Variants in MAGEA4 observed in about 807,000 individuals in gnomAD.
MAGEA4 encodes MAGE family member A4, also known as melanoma-associated antigen 4.
A neutral mutation model predicts 13.7 loss-of-function variants in MAGEA4; 1 was observed. The observed-to-expected ratio is 0.07, with a 90% CI of 0.03 to 0.35. MAGEA4 has a LOEUF of 0.35. Ranked by LOEUF, MAGEA4 falls within the 10% of genes least tolerant of loss-of-function variation. MAGEA4 has a pLI of 0.99. For missense variants in MAGEA4, 312 were observed against 245.1 expected (o/e 1.27, Z -1.82); for synonymous variants, 132 against 101.1 (o/e 1.31, Z -1.83).
At chrX:151,912,585 A>G, upstream of MAGEA4, 1 of 339,985 alleles carries the variant, frequency 2.9e-6, no homozygotes, top group Non-Finnish European at 5.7e-6. Context: ...GGACCCTAAG[A>G]GAGAGCTGAG....
Position 151,923,778 on chromosome X carries a change from T to C in MAGEA4, c.114T>C (p.Ala38=), listed in dbSNP as rs369838724. The change falls in exon 3 of 3, where the codon GCT becomes GCC. Residue 38 remains alanine, a synonymous_variant. Coordinates refer to ENST00000276344, the MANE Select transcript of MAGEA4 (RefSeq NM_001011548.1). ...AQAPTTEEQE[A]AVSSSSPLVP... ...CTCCTACTACTGAGGAGCAGGAGGC[T>C]GCTGTCTCCTCCTCCTCTCCTCTGG... The C allele has an allele frequency of 2.5e-6, 3 of 1,206,157 alleles. No homozygotes were observed. Among genetic ancestry groups the C allele is most frequent in the Non-Finnish European group, 2.2e-6 (2 of 893,998 alleles).
Position 151,924,409 on chromosome X carries a change from C to A in MAGEA4, c.745C>A (p.Gln249Lys). The change falls in exon 3 of 3, where the codon CAA (glutamine) becomes AAA (lysine). Residue 249 changes from glutamine (Q) to lysine (K), a missense_variant. By Grantham distance (53) the Gln-to-Lys change is moderately conservative (BLOSUM62 1). Coordinates refer to ENST00000276344, the MANE Select transcript of MAGEA4 (RefSeq NM_001011548.1). ...TGGGGAGCCCAGGAAACTGCTCACCCAAGATTGGGTGCAGGAAAACTACCT... is the reference window on the plus strand; with the variant it reads ...TGGGGAGCCCAGGAAACTGCTCACCAAAGATTGGGTGCAGGAAAACTACCT... ...VYGEPRKLLT[Q>K]DWVQENYLEY... The A allele has an allele frequency of 8.3e-7, 1 of 1,211,092 alleles. No homozygotes were observed. The highest frequency in any genetic ancestry group is 1.1e-6 in the Non-Finnish European group (1 of 895,136).
chrX:151,913,212 A>C (rs1178413099), intron 1 of MAGEA4, among the ~76,000 whole-genome samples: 1 of 109,463 alleles, frequency 9.1e-6, no homozygotes, highest in Non-Finnish European at 1.9e-5. Flanking sequence ...CCTAAAAGCC[A>C]GCTGAGCGTA....
intron 1 of MAGEA4, 126 bp downstream of exon 1, chrX:151,913,095 C>T: frequency 8.6e-6 from 1 of 115,730 alleles, no homozygotes; most frequent in Admixed American, 8.6e-5. Flanking sequence ...GGTGGGGGGG[C>T]CACCACCCCA....
chrX:151,919,044 C>T (rs1400004331), intron 1 of MAGEA4: 51 of 747,653 alleles, frequency 6.8e-5, no homozygotes, highest in East Asian at 3.2e-4. Context: ...CAAGGTGAGA[C>T]GCTGAGGGAG....
upstream of MAGEA4, chrX:151,912,684 C>T: frequency 4.5e-6 from 1 of 224,085 alleles, no homozygotes; most frequent in South Asian, 4.1e-5. Context: ...CCTACCAGCA[C>T]CCCATCCTCC....
In MAGEA4 at chrX:151,924,494, G is replaced by A. The variant is rs771415744; in HGVS notation, c.830G>A (p.Arg277Lys). The change falls in exon 3 of 3, where the codon AGG (arginine) becomes AAG (lysine). Residue 277 changes from arginine (R) to lysine (K), a missense_variant. Coordinates refer to ENST00000276344, the MANE Select transcript of MAGEA4 (RefSeq NM_001011548.1). The stretch of plus-strand genomic sequence containing the variant: ...CGCTATGAGTTCCTGTGGGGTCCAA[G>A]GGCTCTGGCTGAAACCAGCTATGTG... ...PARYEFLWGP[R>K]ALAETSYVKV... is the part of the protein sequence containing the mutation. 5.8e-6 allele frequency: 7 copies of A among 1,210,409 alleles called. No individual in the cohort carries two copies. The East Asian group carries it at 2.1e-4, about 36-fold the overall frequency.
rs1261061506 is a variant in MAGEA4, at chrX:151,918,947, C to G, written c.-137-4506C>G. On this transcript the variant is annotated intron_variant, in intron 1 of 2. Coordinates refer to ENST00000276344, the MANE Select transcript of MAGEA4 (RefSeq NM_001011548.1). The stretch of plus-strand genomic sequence containing the variant: ...GCCCGGATGTGATGCCACTGACTTG[C>G]GCATTCGGGGTTAGAGAGAAGCGAG... The G allele has an allele frequency of 4.0e-6, 3 of 747,298 alleles. No homozygotes were observed. The African/African-American group carries it at 7.2e-5, about 18-fold the overall frequency. 61.6% of individuals were successfully genotyped at this position (747,298 alleles called of 1,213,427 possible).
At chrX:151,919,287 C>T (rs1337597825) in intron 1 of MAGEA4, among the ~76,000 whole-genome samples, 2 of 85,307 alleles carry the variant, frequency 2.3e-5, no homozygotes, top group African/African-American at 8.8e-5. Context: ...GCTAAGCGTA[C>T]CCCACCCCCA....
chrX:151,912,779 C>A (rs1410442624), upstream of MAGEA4: 15 of 141,566 alleles, frequency 1.1e-4, no homozygotes, highest in Admixed American at 1.2e-3. Flanking sequence ...CCCCCACCCC[C>A]CAACACCCAT....
At chrX:151,919,574 C>T (rs1452251698) in intron 1 of MAGEA4, 5 of 684,812 alleles carry the variant, frequency 7.3e-6, no homozygotes, top group Non-Finnish European at 8.6e-6. Context: ...TCGGGTTCTG[C>T]TTCCGCTTTC....
rs961525850 is a variant in MAGEA4 at position 151,924,952 on chromosome X, T to C, written c.*334T>C. On this transcript the variant is annotated 3_prime_UTR_variant, in exon 3 of 3. Transcript: ENST00000276344. ...TTTTTATTCAGATTGGGAAATCCGTTCTATTTTGTGAATTTGGGACATAAT... is the reference window on the plus strand; with the variant it reads ...TTTTTATTCAGATTGGGAAATCCGTCCTATTTTGTGAATTTGGGACATAAT... The C allele has an allele frequency of 2.2e-5, 4 of 184,845 alleles. No individual in the cohort carries two copies. The highest frequency in any genetic ancestry group is 4.3e-5 in the Non-Finnish European group (4 of 93,916). 15.2% of individuals were successfully genotyped at this position (184,845 alleles called of 1,213,427 possible).
intron 1 of MAGEA4, chrX:151,918,987 G>T (rs1162211185): frequency 2.7e-6 from 2 of 753,266 alleles, no homozygotes. Flanking sequence ...TCTGTGACCA[G>T]CCGCTTGGGA....
At position 151,924,068 on chromosome X, in the gene MAGEA4, A is replaced by G. The variant is rs1933584421; in HGVS notation, c.404A>G (p.Glu135Gly). Residue 135 changes from glutamate to glycine, a missense_variant, in exon 3 of 3, where the codon GAA becomes GGA. Glu to Gly is a moderately conservative substitution (Grantham distance 98). Transcript: ENST00000276344. ...YRAKELVTKA[E>G]MLERVIKNYK... ...GCCAAGGAGCTGGTCACAAAGGCAGAAATGCTGGAGAGAGTCATCAAAAAT... is the reference window on the plus strand; with the variant it reads ...GCCAAGGAGCTGGTCACAAAGGCAGGAATGCTGGAGAGAGTCATCAAAAAT... 2.5e-6 allele frequency: 3 copies of G among 1,212,254 alleles called. No individual in the cohort carries two copies. The highest frequency in any genetic ancestry group is 3.5e-5 in the South Asian group (2 of 56,995).
rs766583818 is a variant in MAGEA4, at chrX:151,920,656, C to G, written c.-137-2797C>G. On this transcript the variant is annotated intron_variant, in intron 1 of 2. Coordinates refer to ENST00000276344, the MANE Select transcript of MAGEA4 (RefSeq NM_001011548.1). ...AACCCCCCAACCAGCCTCATACCCC[C>G]CTCCCCCACCCCTACCTTCATCCCC... is the stretch of plus-strand genomic sequence containing the variant. Among the ~76,000 whole-genome samples the G allele has an allele frequency of 4.9e-3, 485 of 98,677 alleles. 3 individuals are homozygous for G. Among genetic ancestry groups the G allele is most frequent in the Admixed American group, 0.013 (118 of 9,109 alleles). 85.7% of individuals were successfully genotyped at this position (98,677 alleles called of 115,157 possible). A position where few individuals can be genotyped will look rare whatever the true frequency, so the allele number is the denominator to read the frequency against.
chrX:151,919,985 C>T (rs1485364254), intron 1 of MAGEA4, among the ~76,000 whole-genome samples: 2 of 86,960 alleles, frequency 2.3e-5, no homozygotes, highest in Admixed American at 1.3e-4. Flanking sequence ...CACCCCCATT[C>T]CCATCCCCCT....
intron 1 of MAGEA4, among the ~76,000 whole-genome samples, chrX:151,919,910 G>T (rs1933333221): frequency 9.0e-6 from 1 of 110,499 alleles, no homozygotes. Flanking sequence ...ATCAGTGCAA[G>T]ACTGGTGAGG....
In MAGEA4 at chrX:151,924,174, G is replaced by A. The variant is rs779785942; in HGVS notation, c.510G>A (p.Val170=). 3 of 1,211,868 alleles carry A rather than the reference G, an allele frequency of 2.5e-6. No homozygotes were observed. Among genetic ancestry groups the A allele is most frequent in the South Asian group, 3.5e-5 (2 of 56,973 alleles). The part of the protein sequence containing the change: ...KMIFGIDVKE[V]DPASNTYTLV... ...TCTTTGGCATTGACGTGAAGGAAGT[G>A]GACCCCGCCAGCAACACCTACACCC... Residue 170 remains valine, a synonymous_variant, in exon 3 of 3, where the codon GTG becomes GTA. Transcript: ENST00000276344.
chrX:151,923,784 C>G lies in MAGEA4; in HGVS notation c.120C>G (p.Val40=), dbSNP rs373247834. The G allele has an allele frequency of 8.4e-7, 1 of 1,195,644 alleles. No homozygotes were observed. The highest frequency in any genetic ancestry group is 1.1e-6 in the Non-Finnish European group (1 of 890,976). ...APTTEEQEAA[V]SSSSPLVPGT... ...CTACTGAGGAGCAGGAGGCTGCTGTCTCCTCCTCCTCTCCTCTGGTCCCTG... is the reference window on the plus strand; with the variant it reads ...CTACTGAGGAGCAGGAGGCTGCTGTGTCCTCCTCCTCTCCTCTGGTCCCTG... Residue 40 remains valine, a synonymous_variant, in exon 3 of 3, where the codon GTC becomes GTG. Coordinates refer to ENST00000276344, the MANE Select transcript of MAGEA4 (RefSeq NM_001011548.1).
Sources: allele counts gnomAD v4.1 joint callset (sites outside exome capture counted in the v4.1 genomes callset), GRCh38; gene constraint gnomAD v4.1.1; transcripts MANE v1.5; gene names NCBI Gene and HGNC (gene_info 2026-07-23, HGNC 2026-07-21).